Variants in TEX35 observed in about 807,000 individuals in gnomAD.
TEX35 encodes the protein testis expressed 35.
In TEX35, 26 loss-of-function variants were observed where a neutral mutation model predicts 31.9. The ratio of observed to expected loss-of-function variants is 0.81; its 90% CI spans 0.60 to 1.13. The LOEUF (loss-of-function observed/expected upper bound fraction) is 1.13. Ranked by LOEUF, TEX35 falls within the 50% of genes most tolerant of loss-of-function variation. The pLI, the probability that TEX35 is intolerant of heterozygous loss-of-function variation, is 0.00. For synonymous variants in TEX35, 87 were observed against 90.7 expected, an observed-to-expected ratio of 0.96 and a Z score of 0.23; for missense variants, 278 against 273.5, an observed-to-expected ratio of 1.02 and a Z score of -0.12.
At chr1:178,520,307 G>A in intron 5 of TEX35, 65 bp from the exon 6 acceptor site, 1 of 1,502,968 alleles carries the variant, frequency 6.7e-7, no homozygotes, top group Non-Finnish European at 9.1e-7. Context: ...TTGCAGAGAG[G>A]CAGGAGGAAG....
At chr1:178,521,191 ATCTT>A in intron 7 of TEX35, 27 bp from the exon 8 acceptor site, 1 of 1,614,082 alleles carries the variant, frequency 6.2e-7, no homozygotes, top group Non-Finnish European at 8.5e-7. Context: ...GGGGAAATTG[ATCTT>A]TCTTGTGCCG....
chr1:178,523,345 T>C (rs1432430601), downstream of TEX35: 1 of 687,720 alleles, frequency 1.5e-6, no homozygotes, highest in South Asian at 1.6e-5. Flanking sequence ...GGTAGCTCAA[T>C]TTTTAGTTTT....
At chr1:178,519,577 T>C (rs1462105044) in intron 5 of TEX35, among the ~76,000 whole-genome samples, 1 of 152,264 alleles carries the variant, frequency 6.6e-6, no homozygotes, top group East Asian at 1.9e-4. Context: ...AGGTATTTTA[T>C]GAAATCATCT....
chr1:178,514,271 C>G, intron 2 of TEX35, 194 bp downstream of exon 2: 1 of 1,498,474 alleles, frequency 6.7e-7, no homozygotes, highest in East Asian at 2.5e-5. Flanking sequence ...AGGACTCATT[C>G]AGCAGTGTTA....
At chr1:178,514,888 AT>A (rs1650018144) in intron 3 of TEX35, 120 bp downstream of exon 3, 1 of 802,670 alleles carries the variant, frequency 1.2e-6, no homozygotes, top group Non-Finnish European at 2.0e-6. Context: ...GCACAGTGCA[AT>A]TATCAAAATC....
At chr1:178,518,736 A>G (rs1650166861) in intron 5 of TEX35, among the ~76,000 whole-genome samples, 1 of 152,226 alleles carries the variant, frequency 6.6e-6, no homozygotes, top group Non-Finnish European at 1.5e-5. Flanking sequence ...CAAATTTTCT[A>G]CAAAGGGCAT....
At chr1:178,516,575 G>A in intron 4 of TEX35, 40 bp from the exon 5 acceptor site, 1 of 1,571,336 alleles carries the variant, frequency 6.4e-7, no homozygotes, top group Non-Finnish European at 8.8e-7. Flanking sequence ...TCAATAACAT[G>A]CTCTGTGCTT....
In TEX35 at chr1:178,520,441, G is replaced by A. The variant is rs1650224561; in HGVS notation, c.341+5G>A. 6.2e-7 allele frequency: 1 copy of A among 1,614,030 alleles called. No homozygotes were observed. ...TACACAGAAGAACTATAAGCTGTAA[G>A]TGTAACCTGCACTCGTCTCTCCTCA... On this transcript the variant is annotated splice_donor_5th_base_variant and intron_variant, in intron 6 of 8. Coordinates refer to ENST00000319416, the MANE Select transcript of TEX35 (RefSeq NM_032126.5).
chr1:178,519,278 T>C (rs1329526902), intron 5 of TEX35, among the ~76,000 whole-genome samples: 2 of 152,126 alleles, frequency 1.3e-5, no homozygotes, highest in Non-Finnish European at 2.9e-5. Flanking sequence ...GAGACTGAAG[T>C]CTTGAGAGGC....
rs1420133817 is a variant in TEX35 at position 178,522,432 on chromosome 1, G to A, written c.694G>A (p.Gly232Arg). Residue 232 changes from glycine (G) to arginine (R), a missense_variant, in exon 9 of 9, where the codon GGA becomes AGA. Gly to Arg is a moderately radical substitution (Grantham distance 125). Coordinates refer to ENST00000319416, the MANE Select transcript of TEX35 (RefSeq NM_032126.5). The stretch of plus-strand genomic sequence containing the variant: ...GCCTGCCCCAAAGTCCCAGACTGAG[G>A]GAAGGTGAAGCTTAACTGCCAGCTT... ...AVPAPKSQTE[G>R]R 1 of 1,596,282 alleles carries A rather than the reference G, an allele frequency of 6.3e-7. No homozygotes were observed. The highest frequency in any genetic ancestry group is 8.5e-7 in the Non-Finnish European group (1 of 1,170,100).
intron 5 of TEX35, among the ~76,000 whole-genome samples, chr1:178,517,443 C>T (rs532594879): frequency 2.0e-5 from 3 of 152,328 alleles, no homozygotes; most frequent in African/African-American, 7.2e-5. Flanking sequence ...GATTCAGATG[C>T]TTGCCTGTGG....
rs1649967941 is a variant in TEX35, at chr1:178,513,904, G to C, written c.40-123G>C. The C allele has an allele frequency of 4.3e-6, 5 of 1,150,272 alleles. No homozygotes were observed. In the South Asian group the frequency reaches 7.5e-5, roughly 17 times the overall value. 71.3% of individuals were successfully genotyped at this position (1,150,272 alleles called of 1,614,324 possible). ...GGTCTGTGAGCCTGAGCTCAAGCCA[G>C]TTGGACAGGCAGGGTTGCATGGTTG... On this transcript the variant is annotated intron_variant, in intron 1 of 8. Coordinates refer to ENST00000319416, the MANE Select transcript of TEX35 (RefSeq NM_032126.5).
At chr1:178,521,034 T>G in intron 7 of TEX35, 160 bp downstream of exon 7, 4 of 1,542,642 alleles carry the variant, frequency 2.6e-6, no homozygotes, top group Non-Finnish European at 3.5e-6. Context: ...TGACCTGCCT[T>G]GCCTTCTAGG....
downstream of TEX35, chr1:178,523,498 A>C: frequency 2.1e-6 from 1 of 465,444 alleles, no homozygotes; most frequent in Non-Finnish European, 3.8e-6. Flanking sequence ...GCTTCAGATA[A>C]ATATTTAAAA....
chr1:178,514,587 T>C, intron 2 of TEX35, 113 bp from the exon 3 acceptor site: 2 of 1,048,718 alleles, frequency 1.9e-6, no homozygotes, highest in Non-Finnish European at 2.8e-6. Flanking sequence ...CCAGCTTTCC[T>C]CTTGCCTTAG....
intron 5 of TEX35, among the ~76,000 whole-genome samples, chr1:178,517,991 G>A (rs1344223358): frequency 6.6e-6 from 1 of 151,850 alleles, no homozygotes; most frequent in Non-Finnish European, 1.5e-5. Flanking sequence ...AACTGTTTGG[G>A]GGAACATTTT....
intron 5 of TEX35, among the ~76,000 whole-genome samples, chr1:178,518,959 G>T (rs570674724): frequency 6.6e-6 from 1 of 152,214 alleles, no homozygotes; most frequent in African/African-American, 2.4e-5. Context: ...AAAAAAAAAT[G>T]AATGGGCACA....
intron 5 of TEX35, among the ~76,000 whole-genome samples, chr1:178,518,904 G>A (rs1038873042): frequency 9.9e-5 from 15 of 152,068 alleles, no homozygotes; most frequent in African/African-American, 3.6e-4. Flanking sequence ...TGGTCAGCAC[G>A]GGGATCAGTC....
rs768824061 is a variant in TEX35, at chr1:178,514,043, C to G, written c.56C>G (p.Ala19Gly). ...TTTTTGCAGAGCAAGAACTACAAGGCAGTTTGCCTGGAATTGAAGCCAGAG... is the reference window on the plus strand; with the variant it reads ...TTTTTGCAGAGCAAGAACTACAAGGGAGTTTGCCTGGAATTGAAGCCAGAG... ...KKTHLSKNYK[A>G]VCLELKPEPT... Residue 19 changes from alanine to glycine, a missense_variant, in exon 2 of 9, where the codon GCA becomes GGA. Physicochemically the swap from Ala to Gly is moderately conservative, Grantham distance 60 (BLOSUM62 0). Transcript: ENST00000319416. The G allele has an allele frequency of 6.2e-7, 1 of 1,614,158 alleles. No homozygotes were observed. Among genetic ancestry groups the G allele is most frequent in the Non-Finnish European group, 8.5e-7 (1 of 1,180,028 alleles).
Sources: allele counts gnomAD v4.1 joint callset (sites outside exome capture counted in the v4.1 genomes callset), GRCh38; gene constraint gnomAD v4.1.1; transcripts MANE v1.5; gene names NCBI Gene and HGNC (gene_info 2026-07-23, HGNC 2026-07-21).